PDE7B: variants seen among roughly 807,000 people sequenced by gnomAD.
The protein encoded by PDE7B is 3',5'-cyclic-AMP phosphodiesterase 7B.
A neutral mutation model predicts 56.2 loss-of-function variants in PDE7B; 29 were observed. The ratio of observed to expected loss-of-function variants is 0.52; its 90% CI spans 0.38 to 0.70. The LOEUF (loss-of-function observed/expected upper bound fraction) is 0.70. Ranked by LOEUF, PDE7B falls within the 30% of genes least tolerant of loss-of-function variation. The probability of loss-of-function intolerance (pLI) is 0.00; values close to 1 mark genes in which losing one functional copy is unlikely to be tolerated. For missense variants in PDE7B, 490 were observed against 565.0 expected (o/e 0.87, Z 1.35); for synonymous variants, 197 against 196.9 (o/e 1.00, Z 0.00).
intron 1 of PDE7B, among the ~76,000 whole-genome samples, chr6:135,946,581 C>T (rs1459871113): frequency 6.6e-6 from 1 of 152,020 alleles, no homozygotes; most frequent in African/African-American, 2.4e-5. Flanking sequence ...TGCCAGACTT[C>T]TAAATTTTGT....
At chr6:136,188,978 C>T (rs933474664) in intron 12 of PDE7B, among the ~76,000 whole-genome samples, 7 of 152,064 alleles carry the variant, frequency 4.6e-5, no homozygotes, top group Non-Finnish European at 7.4e-5. Flanking sequence ...CAGAAAAATC[C>T]AAAGAGATAA....
intron 1 of PDE7B, among the ~76,000 whole-genome samples, chr6:135,892,073 AT>A (rs1288549117): frequency 6.6e-6 from 1 of 152,128 alleles, no homozygotes; most frequent in African/African-American, 2.4e-5. Context: ...ATTGTTTACT[AT>A]GTACCCAGTG....
intron 3 of PDE7B, among the ~76,000 whole-genome samples, chr6:136,135,349 T>C (rs1227026100): frequency 1.3e-5 from 2 of 152,128 alleles, no homozygotes; most frequent in Non-Finnish European, 2.9e-5. Context: ...TTTTGTTGTA[T>C]GTGTTTTTGT....
intron 1 of PDE7B, among the ~76,000 whole-genome samples, chr6:135,856,771 T>G (rs1775036679): frequency 6.6e-6 from 1 of 152,200 alleles, no homozygotes. Flanking sequence ...CACAGACATC[T>G]ATTAAGCAAT....
chr6:136,141,336 A>T (rs1309272386), intron 3 of PDE7B, among the ~76,000 whole-genome samples: 1 of 152,158 alleles, frequency 6.6e-6, no homozygotes, highest in African/African-American at 2.4e-5. Context: ...ATGGTGGATA[A>T]GCTTTTTGAT....
At chr6:136,127,448 T>C (rs1038230343) in intron 3 of PDE7B, among the ~76,000 whole-genome samples, 3 of 152,196 alleles carry the variant, frequency 2.0e-5, no homozygotes, top group African/African-American at 7.2e-5. Flanking sequence ...AGTGATAGCT[T>C]TTGGTTCCAA....
chr6:135,967,139 C>A (rs921022049), intron 2 of PDE7B, among the ~76,000 whole-genome samples: 4 of 152,082 alleles, frequency 2.6e-5, no homozygotes, highest in African/African-American at 9.7e-5. Flanking sequence ...CATTGATAGG[C>A]CCAGAAAAGT....
intron 3 of PDE7B, among the ~76,000 whole-genome samples, chr6:136,130,471 G>T (rs181932298): frequency 6.6e-6 from 1 of 152,214 alleles, no homozygotes; most frequent in Non-Finnish European, 1.5e-5. Context: ...GCAAAGTAGA[G>T]CATCACTTTC....
chr6:135,936,080 CAGTG>C (rs1276584684), intron 1 of PDE7B, among the ~76,000 whole-genome samples: 4 of 152,200 alleles, frequency 2.6e-5, no homozygotes, highest in Admixed American at 2.6e-4. Context: ...TTTTCTCTAG[CAGTG>C]AGGTTATTTA....
At chr6:136,057,627 G>C (rs187681829) in intron 2 of PDE7B, among the ~76,000 whole-genome samples, 1 of 152,272 alleles carries the variant, frequency 6.6e-6, no homozygotes, top group Non-Finnish European at 1.5e-5. Context: ...TGATTTTTGA[G>C]TTGTCAATTA....
rs112897909 is a variant in PDE7B at position 136,010,142 on chromosome 6, A to G, written c.82+62618A>G. 3.9e-3 allele frequency among the ~76,000 whole-genome samples: 590 copies of G among 152,296 alleles called. 2 individuals carry two copies. The highest frequency in any genetic ancestry group is 0.01 in the Middle Eastern group (3 of 294). ...CATATCTTTGTTCTCATTTGTTTCAAAGAACTTCTTGATTCTCTCTTACTT... is the reference window on the plus strand; with the variant it reads ...CATATCTTTGTTCTCATTTGTTTCAGAGAACTTCTTGATTCTCTCTTACTT... On this transcript the variant is annotated intron_variant, in intron 2 of 12. Coordinates refer to ENST00000308191, the MANE Select transcript of PDE7B (RefSeq NM_018945.4).
At chr6:136,009,029 A>T (rs1775839452) in intron 2 of PDE7B, among the ~76,000 whole-genome samples, 1 of 151,406 alleles carries the variant, frequency 6.6e-6, no homozygotes, top group Admixed American at 6.6e-5. Flanking sequence ...TAAGGAAGGG[A>T]TCCAGTTTCA....
intron 5 of PDE7B, among the ~76,000 whole-genome samples, 187 bp downstream of exon 5, chr6:136,149,337 A>C (rs1200654339): frequency 6.6e-6 from 1 of 152,220 alleles, no homozygotes; most frequent in Admixed American, 6.5e-5. Context: ...TAAGGACTGA[A>C]TTTGACCTTA....
chr6:135,930,971 C>A (rs986672353), intron 1 of PDE7B, among the ~76,000 whole-genome samples: 9 of 152,162 alleles, frequency 5.9e-5, no homozygotes, highest in Non-Finnish European at 1.2e-4. Flanking sequence ...AAGAAGTATT[C>A]TTGCCAACTA....
intron 1 of PDE7B, among the ~76,000 whole-genome samples, chr6:135,864,131 C>A (rs779859261): frequency 6.6e-5 from 10 of 151,938 alleles, no homozygotes; most frequent in Non-Finnish European, 1.2e-4. Flanking sequence ...GTGACTATTG[C>A]GGTTACAGGA....
chr6:136,107,045 CA>C (rs1186825495), intron 2 of PDE7B, among the ~76,000 whole-genome samples: 1 of 152,074 alleles, frequency 6.6e-6, no homozygotes, highest in Non-Finnish European at 1.5e-5. Flanking sequence ...AAGAAGGCAC[CA>C]ATGTAAAATT....
intron 2 of PDE7B, among the ~76,000 whole-genome samples, chr6:136,026,284 T>A (rs1300467708): frequency 3.3e-5 from 5 of 152,188 alleles, no homozygotes; most frequent in Non-Finnish European, 7.3e-5. Context: ...TGCAACATGT[T>A]CTTCCTCTCT....
intron 1 of PDE7B, among the ~76,000 whole-genome samples, chr6:135,884,105 T>A (rs752735966): frequency 1.3e-5 from 2 of 152,238 alleles, no homozygotes; most frequent in Non-Finnish European, 1.5e-5. Flanking sequence ...TAGCAGCTCA[T>A]ATCCCACACA....
intron 8 of PDE7B, among the ~76,000 whole-genome samples, chr6:136,170,034 G>A (rs1314245280): frequency 6.6e-6 from 1 of 152,094 alleles, no homozygotes; most frequent in Non-Finnish European, 1.5e-5. Context: ...TGAGTGTGTG[G>A]TTTTAGAATC....
Sources: gnomAD v4.1 joint callset for allele counts (sites outside exome capture counted in the v4.1 genomes callset) on GRCh38, gnomAD v4.1.1 for gene constraint, MANE v1.5 for transcripts, NCBI Gene and HGNC (gene_info 2026-07-23, HGNC 2026-07-21) for gene names.